NELL2: variants seen among roughly 807,000 people sequenced by gnomAD.
NELL2 encodes the protein neural EGFL like 2.
A neutral mutation model predicts 109.6 loss-of-function variants in NELL2; 41 were observed. The ratio of observed to expected loss-of-function variants is 0.37; its 90% CI spans 0.29 to 0.49. NELL2 has a LOEUF of 0.49. NELL2 is among the 20% of genes least tolerant of loss of function. The probability of loss-of-function intolerance (pLI) is 0.98; values close to 1 mark genes in which losing one functional copy is unlikely to be tolerated. For synonymous variants in NELL2, 355 were observed against 344.7 expected, an observed-to-expected ratio of 1.03 and a Z score of -0.33; for missense variants, 900 against 1,008.3, an observed-to-expected ratio of 0.89 and a Z score of 1.45.
intron 9 of NELL2, among the ~76,000 whole-genome samples, chr12:44,762,940 C>G (rs1176919688): frequency 6.6e-6 from 1 of 152,212 alleles, no homozygotes; most frequent in East Asian, 1.9e-4. Flanking sequence ...TTCTATATGC[C>G]TAGAACAATC....
chr12:44,919,811 G>C (rs1163331628), intron 1 of NELL2, among the ~76,000 whole-genome samples: 1 of 152,126 alleles, frequency 6.6e-6, no homozygotes, highest in Non-Finnish European at 1.5e-5. Context: ...GTTGTTTAAG[G>C]CATTCAGTTT....
chr12:44,763,074 A>G (rs1208265591), intron 9 of NELL2, among the ~76,000 whole-genome samples: 2 of 152,136 alleles, frequency 1.3e-5, no homozygotes, highest in Non-Finnish European at 2.9e-5. Flanking sequence ...TTCATATTCT[A>G]CTGATTGTCT....
chr12:44,756,182 A>G (rs961924779), intron 9 of NELL2, among the ~76,000 whole-genome samples: 1 of 152,110 alleles, frequency 6.6e-6, no homozygotes, highest in Admixed American at 6.5e-5. Flanking sequence ...CTGTTTGTAC[A>G]TAGAAGGTGT....
intron 2 of NELL2, among the ~76,000 whole-genome samples, chr12:44,856,803 A>G (rs1470579429): frequency 6.6e-6 from 1 of 152,096 alleles, no homozygotes; most frequent in Non-Finnish European, 1.5e-5. Flanking sequence ...GAAACGAAGA[A>G]CCCCTGAAAG....
chr12:44,709,892 C>G (rs565084007), intron 11 of NELL2, among the ~76,000 whole-genome samples: 2 of 152,318 alleles, frequency 1.3e-5, no homozygotes, highest in South Asian at 4.1e-4. Flanking sequence ...TCAAATTGCA[C>G]ACATGCTTTG....
intron 12 of NELL2, among the ~76,000 whole-genome samples, chr12:44,668,169 C>T (rs1281500194): frequency 2.0e-5 from 3 of 152,092 alleles, no homozygotes; most frequent in African/African-American, 7.2e-5. Context: ...CAAGCGGGTC[C>T]CCAGCACTCT....
In NELL2 at chr12:44,562,541, G is replaced by A. The variant is rs575194211; in HGVS notation, c.1664-29820C>T. On this transcript the variant is annotated intron_variant, in intron 15 of 19. Transcript: ENST00000429094. ...AGACACTTCTCAAAAGAAGACATTC[G>A]TGTGACCAACAAACATACGAAAAAA... Among the ~76,000 whole-genome samples the A allele has an allele frequency of 7.0e-4, 107 of 152,134 alleles. 1 individual carries two copies. Among genetic ancestry groups the A allele is most frequent in the African/African-American group, 2.4e-3 (99 of 41,510 alleles).
chr12:44,813,604 G>A (rs1352921915), intron 3 of NELL2, among the ~76,000 whole-genome samples: 1 of 152,014 alleles, frequency 6.6e-6, no homozygotes, highest in African/African-American at 2.4e-5. Context: ...TAAATGAGTT[G>A]AATACCCAAA....
chr12:44,671,881 T>C (rs544909768), intron 12 of NELL2, among the ~76,000 whole-genome samples: 2 of 152,252 alleles, frequency 1.3e-5, no homozygotes, highest in South Asian at 4.1e-4. Context: ...GCTTGTGAGC[T>C]AGAGAGGGTC....
intron 15 of NELL2, among the ~76,000 whole-genome samples, chr12:44,567,580 T>G (rs1474849126): frequency 6.6e-6 from 1 of 152,144 alleles, no homozygotes; most frequent in African/African-American, 2.4e-5. Context: ...AATGATGACT[T>G]AAGCATGTAC....
chr12:44,675,348 G>C (rs180744619), intron 12 of NELL2, among the ~76,000 whole-genome samples: 149 of 152,224 alleles, frequency 9.8e-4, no homozygotes, highest in African/African-American at 3.3e-3. Context: ...CAAAGGGAAC[G>C]TCATCTATGT....
At chr12:44,646,732 T>C (rs1258511450) in intron 13 of NELL2, among the ~76,000 whole-genome samples, 1 of 152,146 alleles carries the variant, frequency 6.6e-6, no homozygotes, top group Non-Finnish European at 1.5e-5. Context: ...AAAGTTCAAC[T>C]TAAGGAAAGA....
intron 15 of NELL2, among the ~76,000 whole-genome samples, chr12:44,606,517 A>AT (rs1945406164): frequency 1.3e-5 from 2 of 152,112 alleles, no homozygotes; most frequent in Admixed American, 6.6e-5. Flanking sequence ...TACTCAAAAC[A>AT]TTTTTTTAAA....
At chr12:44,526,648 A>AT (rs891074857) in intron 16 of NELL2, among the ~76,000 whole-genome samples, 2 of 152,248 alleles carry the variant, frequency 1.3e-5, no homozygotes, top group African/African-American at 4.8e-5. Context: ...GGCTTTGAAG[A>AT]TTAGAAAGAG....
At chr12:44,581,973 GC>G (rs1415550256) in intron 15 of NELL2, among the ~76,000 whole-genome samples, 3 of 152,090 alleles carry the variant, frequency 2.0e-5, no homozygotes, top group African/African-American at 7.2e-5. Flanking sequence ...AGAATGCCAG[GC>G]ATTCTTGAGC....
chr12:44,716,010 C>T (rs193105891), intron 9 of NELL2, among the ~76,000 whole-genome samples: 179 of 151,886 alleles, frequency 1.2e-3, no homozygotes, highest in African/African-American at 4.2e-3. Context: ...GTGTTGCCCA[C>T]GATGGTCTCA....
chr12:44,835,000 A>G (rs1344592858), intron 2 of NELL2, among the ~76,000 whole-genome samples: 1 of 152,136 alleles, frequency 6.6e-6, no homozygotes, highest in Non-Finnish European at 1.5e-5. Flanking sequence ...AGGTTGCTGG[A>G]GGGGCCAAAG....
intron 13 of NELL2, among the ~76,000 whole-genome samples, chr12:44,620,706 C>T (rs147321438): frequency 1.5e-4 from 23 of 152,156 alleles, no homozygotes; most frequent in Non-Finnish European, 2.2e-4. Context: ...CACATTTATC[C>T]GGGGCCAGGT....
chr12:44,643,703 T>C (rs950735406), intron 13 of NELL2, among the ~76,000 whole-genome samples: 2 of 152,188 alleles, frequency 1.3e-5, no homozygotes, highest in African/African-American at 4.8e-5. Flanking sequence ...AGATGCAGTA[T>C]ATTTATATTA....
Sources: allele counts gnomAD v4.1 joint callset (sites outside exome capture counted in the v4.1 genomes callset), GRCh38; gene constraint gnomAD v4.1.1; transcripts MANE v1.5; gene names NCBI Gene and HGNC (gene_info 2026-07-23, HGNC 2026-07-21).